Variants in RPS6KA1 observed in about 807,000 individuals in gnomAD.
The protein encoded by RPS6KA1 is ribosomal protein S6 kinase alpha-1.
A neutral mutation model predicts 91.3 loss-of-function variants in RPS6KA1; 48 were observed. The ratio of observed to expected loss-of-function variants is 0.53; its 90% CI spans 0.42 to 0.67. The LOEUF is 0.67. RPS6KA1 is among the 30% of genes least tolerant of loss of function. The pLI is 0.00. For synonymous variants in RPS6KA1, 359 were observed against 384.7 expected (o/e 0.93, Z 0.78); for missense variants, 719 against 960.5 (o/e 0.75, Z 3.32).
intron 4 of RPS6KA1, among the ~76,000 whole-genome samples, chr1:26,549,690 C>CTTTTTTTT (rs561375723): frequency 1.2e-4 from 12 of 101,916 alleles, no homozygotes; most frequent in Non-Finnish European, 1.9e-4. Context: ...AAAGCCTGTT[C>CTTTTTTTT]TTTTTTTTTT....
Position 26,555,520 on chromosome 1 carries a change from C to G in RPS6KA1, c.828-17C>G. ...GGGGCAGGGCTCAGCCTTGATGAGT[C>G]CCGGGGGCTGTTTCAGGGCGAAGCT... On this transcript the variant is annotated splice_polypyrimidine_tract_variant and intron_variant, in intron 10 of 21. Coordinates refer to ENST00000374168, the MANE Select transcript of RPS6KA1 (RefSeq NM_002953.4). The surrounding 1 kb of genome is among the most constrained non-coding windows in gnomAD (Gnocchi z 4.3). 6.4e-7 allele frequency: 1 copy of G among 1,570,554 alleles called. No homozygotes were observed. Among genetic ancestry groups the G allele is most frequent in the Admixed American group, 1.8e-5 (1 of 54,622 alleles).
Position 26,571,753 on chromosome 1 carries a change from G to A in RPS6KA1, c.1753-96G>A. The A allele has an allele frequency of 1.3e-6, 2 of 1,487,158 alleles. No individual in the cohort carries two copies. Among genetic ancestry groups the A allele is most frequent in the East Asian group, 4.8e-5 (2 of 41,336 alleles). 92.1% of individuals were successfully genotyped at this position (1,487,158 alleles called of 1,614,324 possible). ...AAGGGAAGATCTAGCCTGTGCCTGG[G>A]ACCCTTGTCCTGCCCTTGAGGGGAG... is the stretch of plus-strand genomic sequence containing the variant. On this transcript the variant is annotated intron_variant, in intron 18 of 21. Transcript: ENST00000374168. This position sits in a 1 kb window ranked among gnomAD's most constrained non-coding sequence, Gnocchi z 5.1.
intron 12 of RPS6KA1, 34 bp downstream of exon 12, chr1:26,556,752 A>G (rs1355046168): frequency 6.2e-6 from 10 of 1,612,016 alleles, no homozygotes; most frequent in Admixed American, 1.7e-5. Context: ...GGCTCTGGCC[A>G]GGGCTCAGCC....
At chr1:26,566,911 A>G (rs2076207440) in intron 17 of RPS6KA1, among the ~76,000 whole-genome samples, 1 of 152,202 alleles carries the variant, frequency 6.6e-6, no homozygotes, top group South Asian at 2.1e-4. Context: ...CTAAATGCAC[A>G]TCCTCTCACG....
rs148270082 is a variant in RPS6KA1 at position 26,551,282 on chromosome 1, G to T, written c.308-115G>T. On this transcript the variant is annotated intron_variant, in intron 4 of 21. Transcript: ENST00000374168. This position sits in a 1 kb window ranked among gnomAD's most constrained non-coding sequence, Gnocchi z 4.5. Reference sequence around the variant, plus strand: ...TGTCCCCAAAGCCCTGGGTGAGGGGGCTTTGGGAGCTCAGGCCTGGAGGAA... The same window carrying T: ...TGTCCCCAAAGCCCTGGGTGAGGGGTCTTTGGGAGCTCAGGCCTGGAGGAA... 1 of 854,248 alleles carries T rather than the reference G, an allele frequency of 1.2e-6. No homozygotes were observed. Among genetic ancestry groups the T allele is most frequent in the Non-Finnish European group, 1.9e-6 (1 of 518,088 alleles). The allele number at this position is 854,248 out of a possible 1,614,324, so 52.9% of individuals were successfully genotyped here. A position where few individuals can be genotyped will look rare whatever the true frequency, so the allele number is the denominator to read the frequency against.
intron 14 of RPS6KA1, 49 bp from the exon 15 acceptor site, chr1:26,560,677 C>G (rs1184056079): frequency 6.2e-7 from 1 of 1,612,942 alleles, no homozygotes; most frequent in Non-Finnish European, 8.5e-7. Context: ...GGGGATGACC[C>G]CTAGCACTCT....
rs2124655160 is a variant in RPS6KA1 at position 26,561,875 on chromosome 1, G to T, written c.1590+212G>T. Among the ~76,000 whole-genome samples, 1 of 152,256 alleles carries T rather than the reference G, an allele frequency of 6.6e-6. No homozygotes were observed. Among genetic ancestry groups the T allele is most frequent in the East Asian group, 1.9e-4 (1 of 5,176 alleles). ...TATGGAAAGTTATTCAGTATCTACT[G>T]TGTGCCAGGCACCATGGTAAGGTTT... On this transcript the variant is annotated intron_variant, in intron 17 of 21. Coordinates refer to ENST00000374168, the MANE Select transcript of RPS6KA1 (RefSeq NM_002953.4). This position sits in a 1 kb window ranked among gnomAD's most constrained non-coding sequence, Gnocchi z 5.7.
chr1:26,563,305 C>T (rs2076170792), intron 17 of RPS6KA1, among the ~76,000 whole-genome samples: 1 of 152,138 alleles, frequency 6.6e-6, no homozygotes, highest in Non-Finnish European at 1.5e-5. Context: ...CAGTTCACTG[C>T]AGCCTTGACC....
intron 6 of RPS6KA1, among the ~76,000 whole-genome samples, chr1:26,552,112 G>T (rs2076055702): frequency 6.6e-6 from 1 of 152,174 alleles, no homozygotes; most frequent in Non-Finnish European, 1.5e-5. Flanking sequence ...ATTTGAGGCT[G>T]GGCGCAGCGG....
Position 26,574,108 on chromosome 1 carries a change from C to T in RPS6KA1, c.2115C>T (p.Leu705=), listed in dbSNP as rs1308627369. 9.3e-6 allele frequency: 15 copies of T among 1,614,060 alleles called. No individual in the cohort carries two copies. The East Asian group carries it at 2.7e-4, about 29-fold the overall frequency. Residue 705 remains leucine, a synonymous_variant, in exon 22 of 22, where the codon CTC becomes CTT. Transcript: ENST00000374168. The surrounding 1 kb of genome is among the most constrained non-coding windows in gnomAD (Gnocchi z 4.3). ...KGAMAATYSA[L]NSSKPTPQLK... is the part of the protein sequence containing the mutation. ...CCATGGCTGCCACGTACTCCGCACT[C>T]AACAGCTCCAAGCCCACCCCCCAGC... is the stretch of plus-strand genomic sequence containing the variant.
intron 2 of RPS6KA1, among the ~76,000 whole-genome samples, chr1:26,539,081 A>G (rs773803652): frequency 8.5e-5 from 13 of 152,228 alleles, no homozygotes; most frequent in Non-Finnish European, 1.8e-4. Flanking sequence ...GGTAGGCGCT[A>G]TGATGGGGCA....
chr1:26,530,963 T>A (rs1304835807), intron 1 of RPS6KA1: 6 of 1,102,644 alleles, frequency 5.4e-6, no homozygotes, highest in Non-Finnish European at 6.9e-6. Context: ...GAGACCTCAT[T>A]TGAGCCCAGG....
At chr1:26,565,361 C>T (rs537344651) in intron 17 of RPS6KA1, among the ~76,000 whole-genome samples, 2 of 151,834 alleles carry the variant, frequency 1.3e-5, no homozygotes, top group African/African-American at 4.8e-5. Flanking sequence ...GCATGAACAC[C>T]GAGAAGTGTA....
Position 26,571,710 on chromosome 1 carries a change from GAC to G in RPS6KA1, c.1752+101_1752+102del. 6.6e-7 allele frequency: 1 copy of G among 1,510,890 alleles called. No homozygotes were observed. The highest frequency in any genetic ancestry group is 1.2e-5 in the South Asian group (1 of 81,500). 93.6% of individuals were successfully genotyped at this position (1,510,890 alleles called of 1,614,324 possible). A position where few individuals can be genotyped will look rare whatever the true frequency, so the allele number is the denominator to read the frequency against. ...CATTAGCCGGGACTCCAGTCTCTGT[GAC>G]CTTGGCCCAGCTGGCAAGGGAAGAT... is the stretch of plus-strand genomic sequence containing the variant. On this transcript the variant is annotated intron_variant, in intron 18 of 21. Coordinates refer to ENST00000374168, the MANE Select transcript of RPS6KA1 (RefSeq NM_002953.4). This position sits in a 1 kb window ranked among gnomAD's most constrained non-coding sequence, Gnocchi z 5.1.
Position 26,571,568 on chromosome 1 carries a change from C to G in RPS6KA1, c.1710C>G (p.Leu570=). 6.2e-7 allele frequency: 1 copy of G among 1,614,192 alleles called. No individual in the cohort carries two copies. The highest frequency in any genetic ancestry group is 8.5e-7 in the Non-Finnish European group (1 of 1,180,036). ...FAKQLRAENG[L]LMTPCYTANF... ...AACAGCTGCGGGCTGAGAATGGGCT[C>G]CTCATGACACCTTGCTACACAGCCA... Residue 570 remains leucine (L), a synonymous_variant, in exon 18 of 22, where the codon CTC becomes CTG. Coordinates refer to ENST00000374168, the MANE Select transcript of RPS6KA1 (RefSeq NM_002953.4). The surrounding 1 kb of genome is among the most constrained non-coding windows in gnomAD (Gnocchi z 5.1).
chr1:26,558,070 C>G lies in RPS6KA1; in HGVS notation c.1085-737C>G, dbSNP rs187938132. 4.3e-3 allele frequency among the ~76,000 whole-genome samples: 647 copies of G among 152,062 alleles called. 5 individuals carry two copies. Among genetic ancestry groups the G allele is most frequent in the African/African-American group, 0.015 (620 of 41,468 alleles). ...TCTCGAACTCCTGACCTCAGGTGAT[C>G]CACAAGGGGGTGCTTTTCTCACTGC... On this transcript the variant is annotated intron_variant, in intron 13 of 21. Coordinates refer to ENST00000374168, the MANE Select transcript of RPS6KA1 (RefSeq NM_002953.4). This position sits in a 1 kb window ranked among gnomAD's most constrained non-coding sequence, Gnocchi z 4.0.
Position 26,555,627 on chromosome 1 carries a change from TA to T in RPS6KA1, c.916+4del. On this transcript the variant is annotated splice_donor_region_variant and intron_variant, in intron 11 of 21. Transcript: ENST00000374168. The surrounding 1 kb of genome is among the most constrained non-coding windows in gnomAD (Gnocchi z 4.3). ...AGCGGAATCCTGCCAACCGGCTCGG[TA>T]AGCAGCCCCAGCTCAGGGGAGGGGA... 1 of 1,588,326 alleles carries T rather than the reference TA, an allele frequency of 6.3e-7. No homozygotes were observed. The highest frequency in any genetic ancestry group is 8.6e-7 in the Non-Finnish European group (1 of 1,166,518).
intron 1 of RPS6KA1, 151 bp downstream of exon 1, chr1:26,530,134 C>T (rs2075857604): frequency 2.4e-6 from 1 of 424,742 alleles, no homozygotes; most frequent in South Asian, 9.6e-5. Context: ...GGCTCCACCC[C>T]CCTATGCCCG....
chr1:26,549,276 T>C (rs2076025234), intron 4 of RPS6KA1, among the ~76,000 whole-genome samples: 1 of 151,744 alleles, frequency 6.6e-6, no homozygotes. Context: ...CCTCTCCTTT[T>C]AATAAAAGTC....
Sources: allele counts gnomAD v4.1 joint callset (sites outside exome capture counted in the v4.1 genomes callset), GRCh38; gene constraint gnomAD v4.1.1; non-coding constraint Gnocchi (gnomAD v3.1); transcripts MANE v1.5; gene names NCBI Gene and HGNC (gene_info 2026-07-23, HGNC 2026-07-21).